The following PHLPP2 variants were observed in gnomAD, a reference collection of about 807,000 sequenced individuals.
The protein encoded by PHLPP2 is PH domain leucine-rich repeat-containing protein phosphatase 2.
A neutral mutation model predicts 124.9 loss-of-function variants in PHLPP2; 66 were observed. That is an observed-to-expected ratio of 0.53 (90% confidence interval 0.43 to 0.65). The LOEUF is 0.65. Ranked by LOEUF, PHLPP2 falls within the 30% of genes least tolerant of loss-of-function variation. The probability of loss-of-function intolerance (pLI) is 0.00; values close to 1 mark genes in which losing one functional copy is unlikely to be tolerated. For synonymous variants in PHLPP2, 681 were observed against 624.7 expected (o/e 1.09, Z -1.34); for missense variants, 1,685 against 1,600.4 (o/e 1.05, Z -0.90).
Position 71,648,677 on chromosome 16 carries a change from CAGG to C in PHLPP2, c.*210_*212del. ...ATCCCAGCTACTCGGGAGGCTGAGA[CAGG>C]AGAATGGCTTGAACCCAGGGACAGA... On this transcript the variant is annotated 3_prime_UTR_variant, in exon 19 of 19. Coordinates refer to ENST00000568954, the MANE Select transcript of PHLPP2 (RefSeq NM_015020.3). The C allele has an allele frequency of 1.9e-6, 1 of 533,774 alleles. No homozygotes were observed. The allele number at this position is 533,774 out of a possible 1,614,324, so 33.1% of individuals were successfully genotyped here.
chr16:71,676,579 G>A lies in PHLPP2; in HGVS notation c.1339C>T (p.Arg447Trp), dbSNP rs760880514. The A allele has an allele frequency of 6.8e-6, 11 of 1,613,792 alleles. No homozygotes were observed. The highest frequency in any genetic ancestry group is 1.7e-5 in the Admixed American group (1 of 60,028). Residue 447 changes from arginine to tryptophan, a missense_variant, in exon 9 of 19, where the codon CGG becomes TGG. By Grantham distance (101) the Arg-to-Trp change is moderately radical. Coordinates refer to ENST00000568954, the MANE Select transcript of PHLPP2 (RefSeq NM_015020.3). The stretch of plus-strand genomic sequence containing the variant: ...TCCAAGTCAGTCAGTCGGTTGTCCC[G>A]CAGATCCACGTGGGTGATGTGTTTA... ...GNKHITHVDL[R>W]DNRLTDLDLS...
At chr16:71,695,925 T>C (rs921732591) in intron 3 of PHLPP2, among the ~76,000 whole-genome samples, 2 of 152,118 alleles carry the variant, frequency 1.3e-5, no homozygotes, top group African/African-American at 4.8e-5. Context: ...AAATTGATGG[T>C]GGTTATCTAT....
Position 71,649,893 on chromosome 16 carries a change from T to C in PHLPP2, c.2969A>G (p.His990Arg). Reference protein sequence around the residue: ...LILGNKALWEHLSYTEAVNAV... With the variant: ...LILGNKALWERLSYTEAVNAV... ...ATTGACAGCTTCTGTGTAGGACAAGTGTTCCCACAATGCTTTGTTTCCCAG... is the reference window on the plus strand; with the variant it reads ...ATTGACAGCTTCTGTGTAGGACAAGCGTTCCCACAATGCTTTGTTTCCCAG... Residue 990 changes from histidine (H) to arginine (R), a missense_variant, in exon 19 of 19, where the codon CAC becomes CGC. Physicochemically the swap from His to Arg is conservative, Grantham distance 29 (BLOSUM62 0). Transcript: ENST00000568954. 1 of 1,614,240 alleles carries C rather than the reference T, an allele frequency of 6.2e-7. No individual in the cohort carries two copies. The highest frequency in any genetic ancestry group is 8.5e-7 in the Non-Finnish European group (1 of 1,180,040).
At chr16:71,653,540 T>C (rs1695879503) in intron 17 of PHLPP2, among the ~76,000 whole-genome samples, 1 of 152,124 alleles carries the variant, frequency 6.6e-6, no homozygotes, top group Admixed American at 6.5e-5. Flanking sequence ...ATTTCCCCCA[T>C]ATGCAGGGCA....
rs938759692 is a variant in PHLPP2, at chr16:71,647,037, A to C, written c.*1853T>G. On this transcript the variant is annotated 3_prime_UTR_variant, in exon 19 of 19. Transcript: ENST00000568954. ...GATTTTGACTATTGCTTTGAACAAAAATCTTCCCAAAAATACACACGAAAA... is the reference window on the plus strand; with the variant it reads ...GATTTTGACTATTGCTTTGAACAAACATCTTCCCAAAAATACACACGAAAA... 20 of 152,728 alleles carry C rather than the reference A, an allele frequency of 1.3e-4. No homozygotes were observed. Among genetic ancestry groups the C allele is most frequent in the Non-Finnish European group, 2.2e-4 (15 of 68,028 alleles). The allele number at this position is 152,728 out of a possible 1,614,324, so 9.5% of individuals were successfully genotyped here.
intron 5 of PHLPP2, among the ~76,000 whole-genome samples, chr16:71,683,821 G>A (rs1471236423): frequency 6.6e-6 from 1 of 151,250 alleles, no homozygotes; most frequent in Non-Finnish European, 1.5e-5. Context: ...ACGGACTTTT[G>A]CTCTTGTTGC....
At chr16:71,714,283 T>A (rs1396880285) in intron 2 of PHLPP2, among the ~76,000 whole-genome samples, 1 of 152,180 alleles carries the variant, frequency 6.6e-6, no homozygotes, top group Non-Finnish European at 1.5e-5. Flanking sequence ...AATTTAGATA[T>A]CTGACCTATG....
chr16:71,659,394 G>A (rs896340164), intron 13 of PHLPP2, among the ~76,000 whole-genome samples: 5 of 151,958 alleles, frequency 3.3e-5, no homozygotes, highest in Admixed American at 3.3e-4. Flanking sequence ...TGGGATTACA[G>A]GCATGCGCCA....
Position 71,648,897 on chromosome 16 carries a change from G to T in PHLPP2, c.3965C>A (p.Ala1322Glu). 3.1e-6 allele frequency: 5 copies of T among 1,611,322 alleles called. No individual in the cohort carries two copies. The highest frequency in any genetic ancestry group is 4.2e-6 in the Non-Finnish European group (5 of 1,179,162). ...RTEPPEEFDT[A>E]L ...CTGTGCCCAGTGGGGCAGTCATAGTGCTGTGTCGAACTCCTCCGGGGGCTC... is the reference window on the plus strand; with the variant it reads ...CTGTGCCCAGTGGGGCAGTCATAGTTCTGTGTCGAACTCCTCCGGGGGCTC... The change falls in exon 19 of 19, where the codon GCA (alanine) becomes GAA (glutamate). Residue 1322 changes from alanine to glutamate, a missense_variant. Coordinates refer to ENST00000568954, the MANE Select transcript of PHLPP2 (RefSeq NM_015020.3).
At chr16:71,665,234 C>T (rs1463853922) in intron 12 of PHLPP2, among the ~76,000 whole-genome samples, 1 of 152,102 alleles carries the variant, frequency 6.6e-6, no homozygotes, top group African/African-American at 2.4e-5. Flanking sequence ...CGCTTGAACC[C>T]AGGAGGCGGA....
At chr16:71,657,532 C>G (rs2044752508) in intron 15 of PHLPP2, among the ~76,000 whole-genome samples, 2 of 151,280 alleles carry the variant, frequency 1.3e-5, no homozygotes, top group Non-Finnish European at 2.9e-5. Context: ...GTAGCTGGGA[C>G]TACAGGCGCC....
At chr16:71,705,969 A>G (rs1414489974) in intron 2 of PHLPP2, among the ~76,000 whole-genome samples, 1 of 152,262 alleles carries the variant, frequency 6.6e-6, no homozygotes, top group Admixed American at 6.5e-5. Context: ...GGGAAATGCT[A>G]TAATGTGCTT....
intron 2 of PHLPP2, among the ~76,000 whole-genome samples, chr16:71,711,326 C>T (rs571994353): frequency 3.4e-5 from 5 of 148,892 alleles, no homozygotes; most frequent in South Asian, 2.1e-4. Context: ...AGTGAAACTC[C>T]GTCTCAAAAA....
chr16:71,653,099 CTTTTTTTTT>C, intron 17 of PHLPP2, 78 bp from the exon 18 acceptor site: 2 of 547,600 alleles, frequency 3.7e-6, no homozygotes, highest in East Asian at 3.1e-5. Context: ...TACATCCCTT[CTTTTTTTTT>C]TTTTTTTTTT....
In PHLPP2 at chr16:71,655,447, C is replaced by A; in HGVS notation, c.2391-13G>T. The A allele has an allele frequency of 1.3e-6, 2 of 1,583,054 alleles. No homozygotes were observed. The highest frequency in any genetic ancestry group is 1.1e-5 in the South Asian group (1 of 88,952). On this transcript the variant is annotated splice_polypyrimidine_tract_variant and intron_variant, in intron 16 of 18. Coordinates refer to ENST00000568954, the MANE Select transcript of PHLPP2 (RefSeq NM_015020.3). ...TGAGACACACAGCCTATAATAGAAA[C>A]ATGAAAACAGAAAACAGAAAAGTTA...
chr16:71,680,314 T>C (rs934422408), intron 6 of PHLPP2, among the ~76,000 whole-genome samples: 3 of 152,230 alleles, frequency 2.0e-5, no homozygotes, highest in Non-Finnish European at 4.4e-5. Flanking sequence ...ACTGAAATTA[T>C]GTTGGCTAAA....
intron 12 of PHLPP2, among the ~76,000 whole-genome samples, chr16:71,664,905 C>G (rs1285506317): frequency 6.6e-6 from 1 of 152,164 alleles, no homozygotes; most frequent in Non-Finnish European, 1.5e-5. Flanking sequence ...TATCCTTAAC[C>G]AATTACTTCC....
rs1300551010 is a variant in PHLPP2, at chr16:71,681,753, G to A, written c.888C>T (p.Tyr296=). 2.5e-6 allele frequency: 4 copies of A among 1,611,634 alleles called. No individual in the cohort carries two copies. The highest frequency in any genetic ancestry group is 1.7e-5 in the Admixed American group (1 of 59,660). The change falls in exon 6 of 19, where the codon TAC becomes TAT. Residue 296 remains tyrosine (Y), a splice_region_variant and synonymous_variant. Transcript: ENST00000568954. The part of the protein sequence containing the change: ...LERPGGLDTL[Y]KFSQLKGLNL... ...CTGGAAACCCATTCTCCACATACTT[G>A]TAGAGTGTATCGAGGCCTCCGGGTC...
intron 2 of PHLPP2, 95 bp from the exon 3 acceptor site, chr16:71,702,826 G>A (rs1457306180): frequency 1.1e-5 from 8 of 749,446 alleles, no homozygotes; most frequent in Non-Finnish European, 1.7e-5. Context: ...AATTTCAGGG[G>A]TACAAGTGCT....
Sources: allele counts gnomAD v4.1 joint callset (sites outside exome capture counted in the v4.1 genomes callset), GRCh38; gene constraint gnomAD v4.1.1; transcripts MANE v1.5; gene names NCBI Gene and HGNC (gene_info 2026-07-23, HGNC 2026-07-21).